Variants in TVP23A observed in about 807,000 individuals in gnomAD.
TVP23A encodes Golgi apparatus membrane protein TVP23 homolog A.
In TVP23A, 21 loss-of-function variants were observed where a neutral mutation model predicts 31.7. That is an observed-to-expected ratio of 0.66 (90% CI 0.47 to 0.95). TVP23A has a LOEUF of 0.95. Among genes scored for constraint, TVP23A ranks in the 40% least tolerant of loss-of-function variants. TVP23A has a pLI of 0.00. For synonymous variants in TVP23A, 104 were observed against 96.0 expected (o/e 1.08, Z -0.49); for missense variants, 279 against 255.6 (o/e 1.09, Z -0.62).
chr16:10,781,173 AC>A (rs2032399580), intron 2 of TVP23A, among the ~76,000 whole-genome samples: 1 of 152,098 alleles, frequency 6.6e-6, no homozygotes. Context: ...TACTAAAAAT[AC>A]AAAAATTAGC....
chr16:10,817,084 T>C (rs1474873122), intron 2 of TVP23A, among the ~76,000 whole-genome samples: 2 of 152,014 alleles, frequency 1.3e-5, no homozygotes, highest in African/African-American at 2.4e-5. Flanking sequence ...AGGCAAAGAA[T>C]GGATTTTCCC....
downstream of TVP23A, among the ~76,000 whole-genome samples, chr16:10,759,751 G>C (rs11865222): frequency 5.2e-3 from 798 of 152,278 alleles, 8 homozygotes; most frequent in African/African-American, 0.018. This position sits in a 1 kb window ranked among gnomAD's most constrained non-coding sequence, Gnocchi z 4.7. Flanking sequence ...ACTCCAGCCT[G>C]GGCGACAGAG....
intron 2 of TVP23A, among the ~76,000 whole-genome samples, chr16:10,800,666 A>T (rs1480957943): frequency 6.6e-6 from 1 of 152,178 alleles, no homozygotes; most frequent in Non-Finnish European, 1.5e-5. Context: ...CTTTTTGAAC[A>T]GCCTATAACT....
intron 8 of TVP23A, chr16:10,761,579 G>C: frequency 9.0e-7 from 1 of 1,106,588 alleles, no homozygotes; most frequent in Non-Finnish European, 1.3e-6. Flanking sequence ...CTGTCATTTT[G>C]GGAAGTGGAA....
chr16:10,786,352 T>C (rs576915564), intron 2 of TVP23A, among the ~76,000 whole-genome samples: 20 of 152,054 alleles, frequency 1.3e-4, no homozygotes, highest in African/African-American at 2.7e-4. Flanking sequence ...GTCAGGAGGA[T>C]CACTTGAGGC....
chr16:10,764,327 T>C (rs1182490309), downstream of TVP23A, among the ~76,000 whole-genome samples: 1 of 152,212 alleles, frequency 6.6e-6, no homozygotes, highest in Non-Finnish European at 1.5e-5. Context: ...CTCAGTCTGC[T>C]GGAGTGTGGC....
intron 6 of TVP23A, 75 bp downstream of exon 6, chr16:10,771,595 G>A (rs748393906): frequency 2.9e-5 from 46 of 1,572,210 alleles, no homozygotes; most frequent in Admixed American, 1.5e-4. Flanking sequence ...ATTACAAACC[G>A]CAGTTGCCAG....
At chr16:10,811,948 C>A (rs1027214015) in intron 2 of TVP23A, among the ~76,000 whole-genome samples, 1 of 141,860 alleles carries the variant, frequency 7.0e-6, no homozygotes, top group Non-Finnish European at 1.6e-5. Flanking sequence ...AACGGAATTA[C>A]ATTAAACCTA....
downstream of TVP23A, chr16:10,766,134 T>C (rs971868138): frequency 1.3e-5 from 2 of 152,456 alleles, no homozygotes; most frequent in African/African-American, 4.8e-5. This position sits in a 1 kb window ranked among gnomAD's most constrained non-coding sequence, Gnocchi z 4.8. Flanking sequence ...TCTGGTGCTA[T>C]GGGTCCTGGT....
chr16:10,761,286 C>A, exon 9 of TVP23A: 2 of 1,324,510 alleles, frequency 1.5e-6, no homozygotes, highest in Non-Finnish European at 2.1e-6. Context: ...CACTGCATTG[C>A]AGCCATCCCC....
intron 6 of TVP23A, among the ~76,000 whole-genome samples, chr16:10,770,918 T>C (rs1031802073): frequency 7.3e-5 from 11 of 149,984 alleles, no homozygotes; most frequent in Non-Finnish European, 1.5e-4. Flanking sequence ...TTTGTGACTC[T>C]TTCCTTAATT....
At chr16:10,776,522 A>C (rs1479547132) in intron 2 of TVP23A, among the ~76,000 whole-genome samples, 1 of 152,200 alleles carries the variant, frequency 6.6e-6, no homozygotes, top group Non-Finnish European at 1.5e-5. Context: ...TAAATAGAGC[A>C]CACAGGTAGA....
downstream of TVP23A, among the ~76,000 whole-genome samples, chr16:10,764,539 TG>T (rs1259788375): frequency 6.7e-6 from 1 of 149,084 alleles, no homozygotes; most frequent in African/African-American, 2.5e-5. Flanking sequence ...CTCATTCTGC[TG>T]GAGTATTTGT....
rs578069583 is a variant in TVP23A at position 10,775,303 on chromosome 16, T to A, written c.90-207A>T. On this transcript the variant is annotated intron_variant, in intron 2 of 7. Transcript: ENST00000299866. ...CCAGACAGTCATGCTGACACTGTTT[T>A]TTTTCCTCCCCTTCGAAGAATCCAG... 5,969 of 1,396,828 alleles carry A rather than the reference T, an allele frequency of 4.3e-3. 25 individuals are homozygous for A. The highest frequency in any genetic ancestry group is 4.9e-3 in the Non-Finnish European group (5,319 of 1,077,786). 86.5% of individuals were successfully genotyped at this position (1,396,828 alleles called of 1,614,324 possible).
At chr16:10,773,213 GATCA>G (rs1247921326) in intron 5 of TVP23A, 96 bp downstream of exon 5, 52 of 1,391,372 alleles carry the variant, frequency 3.7e-5, no homozygotes, top group African/African-American at 2.6e-4. Flanking sequence ...TGTTATAATT[GATCA>G]ATCAATCAAT....
At chr16:10,797,584 A>G (rs2033457156) in intron 2 of TVP23A, among the ~76,000 whole-genome samples, 1 of 151,824 alleles carries the variant, frequency 6.6e-6, no homozygotes, top group Non-Finnish European at 1.5e-5. Context: ...ATCAAAAATT[A>G]GCCAGGCGTG....
At chr16:10,813,999 C>CAAAAAAAAAA (rs201277067) in intron 2 of TVP23A, among the ~76,000 whole-genome samples, 1 of 49,518 alleles carries the variant, frequency 2.0e-5, no homozygotes, top group African/African-American at 4.3e-5. Flanking sequence ...AACTCCATCT[C>CAAAAAAAAAA]AAAAAAAAAA....
At position 10,767,814 on chromosome 16, in the gene TVP23A, T is replaced by C; in HGVS notation, c.*1288A>G. 1 of 776,836 alleles carries C rather than the reference T, an allele frequency of 1.3e-6. No homozygotes were observed. Among genetic ancestry groups the C allele is most frequent in the African/African-American group, 1.7e-5 (1 of 57,364 alleles). The allele number at this position is 776,836 out of a possible 1,614,324, so 48.1% of individuals were successfully genotyped here. Reference sequence around the variant, plus strand: ...TCCCTGAGACCCCACTGGTCTTTTCTACTTTGTTCTTCATTACGAGTGAAG... The same window carrying C: ...TCCCTGAGACCCCACTGGTCTTTTCCACTTTGTTCTTCATTACGAGTGAAG... On this transcript the variant is annotated 3_prime_UTR_variant, in exon 8 of 8. Coordinates refer to ENST00000299866, the MANE Select transcript of TVP23A (RefSeq NM_001079512.4). This position sits in a 1 kb window ranked among gnomAD's most constrained non-coding sequence, Gnocchi z 4.6.
chr16:10,775,800 G>A (rs1028389123), intron 2 of TVP23A, among the ~76,000 whole-genome samples: 1 of 140,250 alleles, frequency 7.1e-6, no homozygotes, highest in Non-Finnish European at 1.5e-5. Flanking sequence ...CTAGGCTGGA[G>A]TGCAGTGGCG....
Sources: gnomAD v4.1 joint callset for allele counts (sites outside exome capture counted in the v4.1 genomes callset) on GRCh38, gnomAD v4.1.1 for gene constraint, Gnocchi (gnomAD v3.1) non-coding constraint, MANE v1.5 for transcripts, NCBI Gene and HGNC (gene_info 2026-07-23, HGNC 2026-07-21) for gene names.